ZNF185: variants seen among roughly 807,000 people sequenced by gnomAD.
ZNF185 encodes zinc finger protein 185.
ZNF185 carries 56 observed loss-of-function variants against 58.6 expected under a neutral mutation model. That is an observed-to-expected ratio of 0.95 (90% CI 0.77 to 1.19). ZNF185 has a LOEUF of 1.19. Ranked by LOEUF, ZNF185 falls within the 50% of genes most tolerant of loss-of-function variation. The probability of loss-of-function intolerance (pLI) is 0.00; values close to 1 mark genes in which losing one functional copy is unlikely to be tolerated. For synonymous variants in ZNF185, 230 were observed against 215.9 expected (o/e 1.07, Z -0.57); for missense variants, 627 against 573.5 (o/e 1.09, Z -0.95).
the ZNF185 span, among the ~76,000 whole-genome samples, chrX:152,900,240 G>A: frequency 4.5e-5 from 5 of 112,332 alleles, no homozygotes; most frequent in African/African-American, 6.5e-5. Context: ...GATAGGCATC[G>A]GCACTTGTTC....
chrX:152,917,504 TGGAGA>T, intron 5 of ZNF185, 142 bp downstream of exon 6: 2 of 734,669 alleles, frequency 2.7e-6, no homozygotes, highest in Non-Finnish European at 4.0e-6. Flanking sequence ...GGCAGGACCC[TGGAGA>T]GCAGGGTGGG....
At chrX:152,961,577 C>T (rs1306701661) in intron 17 of ZNF185, among the ~76,000 whole-genome samples, 1 of 111,851 alleles carries the variant, frequency 8.9e-6, no homozygotes, top group Non-Finnish European at 1.9e-5. Flanking sequence ...CATGGGCCGC[C>T]GGCTAGAGAT....
chrX:152,920,194 T>G (rs1277665539), intron 7 of ZNF185, 134 bp from the exon 9 acceptor site: 2 of 488,719 alleles, frequency 4.1e-6, no homozygotes, highest in African/African-American at 4.8e-5. Flanking sequence ...TTGGAGCAGG[T>G]GCAAATCTGG....
At chrX:152,937,810 A>G (rs2046506613) in intron 14 of ZNF185, among the ~76,000 whole-genome samples, 1 of 112,023 alleles carries the variant, frequency 8.9e-6, no homozygotes, top group Non-Finnish European at 1.9e-5. Context: ...AGAACCCAAA[A>G]CCAGGAGACT....
At chrX:152,971,496 A>G (rs1441827197) in exon 23 of ZNF185, 3 of 112,339 alleles carry the variant, frequency 2.7e-5, no homozygotes, top group Non-Finnish European at 5.6e-5. Flanking sequence ...GTAGCTTAGA[A>G]AGCGCTTTAT....
intron 14 of ZNF185, among the ~76,000 whole-genome samples, chrX:152,935,084 A>G (rs138564848): frequency 0.025 from 2,751 of 111,792 alleles, 85 homozygotes; most frequent in African/African-American, 0.085. Flanking sequence ...TCAGCCTCCC[A>G]AAGTGCTGGG....
At chrX:152,930,402 A>G (rs935644423) in intron 12 of ZNF185, among the ~76,000 whole-genome samples, 3 of 112,153 alleles carry the variant, frequency 2.7e-5, no homozygotes, top group Non-Finnish European at 3.8e-5. Context: ...TAGAGCTGAA[A>G]TCATGAGCGT....
At chrX:152,933,625 A>C (rs1260931500) in intron 14 of ZNF185, among the ~76,000 whole-genome samples, 1 of 112,320 alleles carries the variant, frequency 8.9e-6, no homozygotes, top group East Asian at 2.8e-4. Flanking sequence ...CTTGGGGCAA[A>C]GGCTAGGTAT....
chrX:152,908,064 G>A, the ZNF185 span, among the ~76,000 whole-genome samples: 1 of 112,587 alleles, frequency 8.9e-6, no homozygotes, highest in Non-Finnish European at 1.9e-5. Flanking sequence ...CCAGTGAGCA[G>A]GCCCACAGAT....
At chrX:152,944,869 C>T (rs2047617980) in intron 15 of ZNF185, among the ~76,000 whole-genome samples, 1 of 112,033 alleles carries the variant, frequency 8.9e-6, no homozygotes, top group Non-Finnish European at 1.9e-5. Context: ...TAGTGTAGAC[C>T]TGTAGTCTCT....
chrX:152,921,803 T>C (rs782051364), intron 9 of ZNF185, among the ~76,000 whole-genome samples: 4 of 111,312 alleles, frequency 3.6e-5, no homozygotes, highest in Middle Eastern at 4.2e-3. Context: ...TGTCTTCACA[T>C]GGCCTTCTCT....
At chrX:152,931,916 C>T in intron 13 of ZNF185, 140 bp downstream of exon 14, 1 of 360,973 alleles carries the variant, frequency 2.8e-6, no homozygotes, top group Middle Eastern at 8.0e-4. Flanking sequence ...ACTGTTCCCC[C>T]AGTACCTGGG....
intron 12 of ZNF185, 25 bp downstream of exon 13, chrX:152,928,686 G>C (rs374460335): frequency 2.0e-4 from 244 of 1,193,625 alleles, no homozygotes; most frequent in Non-Finnish European, 2.6e-4. Flanking sequence ...CTGCTGTCCT[G>C]GCTCCCTGGA....
At chrX:152,942,012 G>T (rs1556890371) in intron 15 of ZNF185, among the ~76,000 whole-genome samples, 1 of 112,287 alleles carries the variant, frequency 8.9e-6, no homozygotes, top group African/African-American at 3.2e-5. Flanking sequence ...GGCTGCCCAG[G>T]GGGAGGGGGT....
intron 11 of ZNF185, among the ~76,000 whole-genome samples, chrX:152,925,988 C>T (rs781800047): frequency 8.9e-6 from 1 of 112,357 alleles, no homozygotes; most frequent in East Asian, 2.8e-4. Flanking sequence ...GAAACTGGTT[C>T]TACACATGCA....
chrX:152,932,827 A>G, intron 13 of ZNF185, 46 bp from the exon 15 acceptor site: 2 of 1,012,372 alleles, frequency 2.0e-6, no homozygotes, highest in Non-Finnish European at 2.7e-6. Flanking sequence ...GTTAGATGAG[A>G]TCAAAACGCA....
rs1284431507 is a variant in ZNF185 at position 152,917,012 on chromosome X, G to A, written c.225-119G>A. Reference sequence around the variant, plus strand: ...GGCACCCCTCGTTTCTGCTGTACTGGGACACCTGGAGCACTTGCCAGCCAA... The same window carrying A: ...GGCACCCCTCGTTTCTGCTGTACTGAGACACCTGGAGCACTTGCCAGCCAA... On this transcript the variant is annotated intron_variant, in intron 3 of 22. Transcript: ENST00000449285. 7 of 1,008,989 alleles carry A rather than the reference G, an allele frequency of 6.9e-6. No individual in the cohort carries two copies. In the East Asian group the frequency reaches 2.2e-4, roughly 31 times the overall value. The allele number at this position is 1,008,989 out of a possible 1,213,427, so 83.2% of individuals were successfully genotyped here.
chrX:152,964,113 T>C (rs2049857819), intron 18 of ZNF185, among the ~76,000 whole-genome samples, 164 bp downstream of exon 20: 1 of 112,601 alleles, frequency 8.9e-6, no homozygotes, highest in East Asian at 2.8e-4. Context: ...AGTCCCCTAA[T>C]ATAAACTCCC....
rs1045238435 is a variant in ZNF185 at position 152,945,133 on chromosome X, G to T, written c.1212-134G>T. On this transcript the variant is annotated intron_variant, in intron 15 of 22. Transcript: ENST00000449285. Reference sequence around the variant, plus strand: ...CTCCCTGGAATTGGGGCTGTGCCTGGCTCCTTTCTGCCCCGCTTTCAGGGA... The same window carrying T: ...CTCCCTGGAATTGGGGCTGTGCCTGTCTCCTTTCTGCCCCGCTTTCAGGGA... 1.0e-5 allele frequency: 7 copies of T among 693,786 alleles called. No homozygotes were observed. The African/African-American group carries it at 1.1e-4, about 11-fold the overall frequency. The allele number at this position is 693,786 out of a possible 1,213,427, so 57.2% of individuals were successfully genotyped here. A position where few individuals can be genotyped will look rare whatever the true frequency, so the allele number is the denominator to read the frequency against.
Sources: gnomAD v4.1 joint callset for allele counts (sites outside exome capture counted in the v4.1 genomes callset) on GRCh38, gnomAD v4.1.1 for gene constraint, MANE v1.5 for transcripts, NCBI Gene and HGNC (gene_info 2026-07-23, HGNC 2026-07-21) for gene names.